The following SOD2 variants were observed in gnomAD, a reference collection of about 807,000 sequenced individuals.
SOD2 encodes superoxide dismutase [Mn], mitochondrial.
A neutral mutation model predicts 27.0 loss-of-function variants in SOD2; 11 were observed. That is an observed-to-expected ratio of 0.41 (90% CI 0.26 to 0.67). SOD2 has a LOEUF of 0.67. Among genes scored for constraint, SOD2 ranks in the 30% least tolerant of loss-of-function variants. The pLI, the probability that SOD2 is intolerant of heterozygous loss-of-function variation, is 0.34. For synonymous variants in SOD2, 105 were observed against 103.0 expected, an observed-to-expected ratio of 1.02 and a Z score of -0.12; for missense variants, 250 against 274.5, an observed-to-expected ratio of 0.91 and a Z score of 0.63.
intron 1 of SOD2, among the ~76,000 whole-genome samples, chr6:159,704,437 C>T (rs920146833): frequency 2.0e-5 from 3 of 152,184 alleles, no homozygotes; most frequent in Non-Finnish European, 4.4e-5. Context: ...TAATACTGCG[C>T]TTTTCCAATG....
intron 1 of SOD2, among the ~76,000 whole-genome samples, chr6:159,737,474 T>G (rs1220335412): frequency 2.6e-5 from 4 of 152,188 alleles, no homozygotes; most frequent in Non-Finnish European, 5.9e-5. Flanking sequence ...AAGGGAATAC[T>G]AATAAAGCCT....
chr6:159,737,316 G>T (rs1048518951), intron 1 of SOD2, among the ~76,000 whole-genome samples: 1 of 152,034 alleles, frequency 6.6e-6, no homozygotes, highest in African/African-American at 2.4e-5. Context: ...CTTCCAAAGT[G>T]CTGGGATAAT....
intron 1 of SOD2, among the ~76,000 whole-genome samples, chr6:159,750,632 T>A (rs566339773): frequency 2.5e-4 from 38 of 152,352 alleles, no homozygotes; most frequent in Admixed American, 7.2e-4. Context: ...TGTTTTTTTT[T>A]ACTTGGTCTC....
upstream of SOD2, among the ~76,000 whole-genome samples, chr6:159,729,440 A>G (rs993739527): frequency 1.1e-4 from 16 of 152,252 alleles, no homozygotes; most frequent in Admixed American, 3.3e-4. Context: ...GTGTATAACA[A>G]GATGTTCCAT....
In SOD2 at chr6:159,672,478, T is replaced by C. The variant is rs1440966974; in HGVS notation, c.*10015A>G. 11 of 152,172 alleles carry C rather than the reference T, an allele frequency of 7.2e-5. No homozygotes were observed. The highest frequency in any genetic ancestry group is 7.2e-4 in the Admixed American group (11 of 15,272). The allele number at this position is 152,172 out of a possible 1,614,324, so 9.4% of individuals were successfully genotyped here. On this transcript the variant is annotated 3_prime_UTR_variant, in exon 5 of 5. Transcript: ENST00000538183. ...AAAGAATTTTCAACCCAGAATTTCA[T>C]ATCCAGCCAAACTAAGCTTCATAAG...
upstream of SOD2, among the ~76,000 whole-genome samples, chr6:159,694,858 C>G (rs902130346): frequency 1.3e-5 from 2 of 151,866 alleles, no homozygotes; most frequent in Non-Finnish European, 2.9e-5. Context: ...CCCGCCTCGG[C>G]CTTCCAAAGT....
At chr6:159,738,302 T>C (rs1441789696) in intron 1 of SOD2, among the ~76,000 whole-genome samples, 1 of 152,250 alleles carries the variant, frequency 6.6e-6, no homozygotes, top group Non-Finnish European at 1.5e-5. Context: ...TAATTGTTAC[T>C]TCAGAGTGTT....
At position 159,676,919 on chromosome 6, in the gene SOD2, T is replaced by G. The variant is rs951644770; in HGVS notation, c.*5574A>C. 22 of 152,034 alleles carry G rather than the reference T, an allele frequency of 1.4e-4. No homozygotes were observed. Among genetic ancestry groups the G allele is most frequent in the African/African-American group, 5.1e-4 (21 of 41,364 alleles). 9.4% of individuals were successfully genotyped at this position (152,034 alleles called of 1,614,324 possible). A position where few individuals can be genotyped will look rare whatever the true frequency, so the allele number is the denominator to read the frequency against. ...AGTACCTAATTCAATGTTCTTTCCA[T>G]GCCCACACAAAGGCAAGCAGCAGAA... On this transcript the variant is annotated 3_prime_UTR_variant, in exon 5 of 5. Transcript: ENST00000538183.
rs1453309280 is a variant in SOD2 at position 159,675,004 on chromosome 6, CA to C, written c.*7488del. 1.3e-5 allele frequency: 2 copies of C among 152,074 alleles called. No homozygotes were observed. The highest frequency in any genetic ancestry group is 4.8e-5 in the African/African-American group (2 of 41,394). The allele number at this position is 152,074 out of a possible 1,614,324, so 9.4% of individuals were successfully genotyped here. A position where few individuals can be genotyped will look rare whatever the true frequency, so the allele number is the denominator to read the frequency against. On this transcript the variant is annotated 3_prime_UTR_variant, in exon 5 of 5. Coordinates refer to ENST00000538183, the MANE Select transcript of SOD2 (RefSeq NM_000636.4). ...AGTGAACTCCCATTCACAACTGCCTCAAAGAGAATAAAATACCTAGGAATCC... is the reference window on the plus strand; with the variant it reads ...AGTGAACTCCCATTCACAACTGCCTCAAGAGAATAAAATACCTAGGAATCC...
At chr6:159,756,090 A>G (rs1245400366) in intron 1 of SOD2, 1 of 153,522 alleles carries the variant, frequency 6.5e-6, no homozygotes, top group African/African-American at 2.4e-5. Flanking sequence ...TTTATCACTA[A>G]AAGTTGGACT....
intron 3 of SOD2, among the ~76,000 whole-genome samples, chr6:159,686,071 G>C (rs561368394): frequency 1.5e-3 from 235 of 152,216 alleles, no homozygotes; most frequent in South Asian, 2.7e-3. Flanking sequence ...ACTGAACTAA[G>C]GGTATACTTT....
chr6:159,727,313 C>G (rs1166364851), exon 1 of SOD2: 1 of 1,272,282 alleles, frequency 7.9e-7, no homozygotes, highest in South Asian at 1.3e-5. Context: ...ACTGCGGCCA[C>G]GCCTGAAAGG....
chr6:159,674,709 C>T lies in SOD2; in HGVS notation c.*7784G>A, dbSNP rs1223215587. The T allele has an allele frequency of 6.6e-6, 1 of 152,218 alleles. No homozygotes were observed. The highest frequency in any genetic ancestry group is 1.9e-4 in the East Asian group (1 of 5,204). The allele number at this position is 152,218 out of a possible 1,614,324, so 9.4% of individuals were successfully genotyped here. Reference sequence around the variant, plus strand: ...CACAAGACAGGGATGCCCTCTCTCACCACTCCTATTCAACATAGTGTTGGA... The same window carrying T: ...CACAAGACAGGGATGCCCTCTCTCATCACTCCTATTCAACATAGTGTTGGA... On this transcript the variant is annotated 3_prime_UTR_variant, in exon 5 of 5. Transcript: ENST00000538183.
intron 1 of SOD2, chr6:159,726,561 A>G (rs1778178465): frequency 2.9e-6 from 1 of 344,206 alleles, no homozygotes; most frequent in Non-Finnish European, 5.7e-6. Flanking sequence ...TTCTCCAGGT[A>G]ACACCGCCAT....
intron 1 of SOD2, among the ~76,000 whole-genome samples, chr6:159,715,951 A>G (rs1052549744): frequency 6.6e-6 from 1 of 152,076 alleles, no homozygotes; most frequent in African/African-American, 2.4e-5. Context: ...CAAGACCCTT[A>G]TATTTTTATT....
At chr6:159,732,350 C>T (rs1057327202), upstream of SOD2, among the ~76,000 whole-genome samples, 5 of 152,110 alleles carry the variant, frequency 3.3e-5, no homozygotes, top group Non-Finnish European at 7.3e-5. Flanking sequence ...AGGTATACCA[C>T]CTAGCCATAG....
intron 1 of SOD2, chr6:159,726,508 G>T (rs955638689): frequency 5.9e-5 from 18 of 306,974 alleles, no homozygotes; most frequent in Admixed American, 3.3e-4. Context: ...CCAATCAAAA[G>T]AATTACGTGC....
At chr6:159,688,621 G>A (rs764725802) in intron 2 of SOD2, among the ~76,000 whole-genome samples, 1 of 152,118 alleles carries the variant, frequency 6.6e-6, no homozygotes, top group Non-Finnish European at 1.5e-5. Flanking sequence ...GACAGACGAC[G>A]ATTCATTGGG....
rs926615737 is a variant in SOD2 at position 159,758,721 on chromosome 6, G to C, written c.-336+2316C>G. Among the ~76,000 whole-genome samples the C allele has an allele frequency of 3.3e-5, 5 of 152,152 alleles. 1 individual carries two copies. In the South Asian group the frequency reaches 1.0e-3, roughly 32 times the overall value. On this transcript the variant is annotated intron_variant, in intron 1 of 7. Transcript: ENST00000546087. The stretch of plus-strand genomic sequence containing the variant: ...CCCTAGTGGTAAGGAGTACACTGCT[G>C]ACCTTCATCCTATGGCAATTCCACT...
Sources: gnomAD v4.1 joint callset for allele counts (sites outside exome capture counted in the v4.1 genomes callset) on GRCh38, gnomAD v4.1.1 for gene constraint, MANE v1.5 for transcripts, NCBI Gene and HGNC (gene_info 2026-07-23, HGNC 2026-07-21) for gene names.